Variants in CEP76 observed in about 807,000 individuals in gnomAD.
CEP76 encodes centrosomal protein of 76 kDa.
CEP76 carries 55 observed loss-of-function variants against 83.3 expected under a neutral mutation model. That is an observed-to-expected ratio of 0.66 (90% CI 0.53 to 0.83). CEP76 has a LOEUF of 0.83. CEP76 is among the 40% of genes least tolerant of loss of function. The pLI is 0.00. For synonymous variants in CEP76, 270 were observed against 274.5 expected (o/e 0.98, Z 0.16); for missense variants, 694 against 799.5 (o/e 0.87, Z 1.59).
chr18:12,700,917 T>C, intron 2 of CEP76, 41 bp downstream of exon 2: 1 of 1,524,668 alleles, frequency 6.6e-7, no homozygotes, highest in Non-Finnish European at 9.0e-7. Flanking sequence ...CATTAGTATA[T>C]ACATATATAC....
chr18:12,693,012 T>C (rs2039824038), intron 6 of CEP76, among the ~76,000 whole-genome samples: 1 of 152,108 alleles, frequency 6.6e-6, no homozygotes, highest in South Asian at 2.1e-4. Context: ...TTTGTAGAGA[T>C]GAAGTCTACC....
intron 10 of CEP76, among the ~76,000 whole-genome samples, chr18:12,677,528 C>T (rs1426436580): frequency 6.7e-6 from 1 of 149,220 alleles, no homozygotes; most frequent in East Asian, 1.9e-4. Context: ...AAATTAAAGC[C>T]AGACGTCTAC....
intron 12 of CEP76, among the ~76,000 whole-genome samples, chr18:12,666,051 T>C (rs1217454172): frequency 6.6e-6 from 1 of 150,900 alleles, no homozygotes; most frequent in Non-Finnish European, 1.5e-5. Context: ...GCACAGTGGC[T>C]CATACTTGTG....
At chr18:12,699,736 A>G (rs2040086245) in intron 3 of CEP76, 94 bp downstream of exon 3, 3 of 689,214 alleles carry the variant, frequency 4.4e-6, no homozygotes, top group African/African-American at 1.9e-5. Flanking sequence ...TTTTGGGGGG[A>G]AAAAATGGAA....
At chr18:12,680,362 G>A (rs555539776) in intron 9 of CEP76, among the ~76,000 whole-genome samples, 3 of 151,898 alleles carry the variant, frequency 2.0e-5, no homozygotes, top group South Asian at 2.1e-4. Flanking sequence ...TTGGGAGGCT[G>A]AGGTAGGTGG....
intron 8 of CEP76, among the ~76,000 whole-genome samples, chr18:12,683,960 CTGT>C (rs1406057741): frequency 6.6e-6 from 1 of 150,552 alleles, no homozygotes; most frequent in Admixed American, 6.7e-5. Context: ...TGTTGTAATG[CTGT>C]TGTTTGTACA....
chr18:12,671,194 G>T (rs2847271), downstream of CEP76: 120,917 of 151,568 alleles, frequency 0.8, 48,682 homozygotes, highest in Non-Finnish European at 0.83. Context: ...TCCTCTGGCC[G>T]CAGCCTCCAA....
At chr18:12,665,678 A>G (rs971026090) in intron 12 of CEP76, among the ~76,000 whole-genome samples, 2 of 152,232 alleles carry the variant, frequency 1.3e-5, no homozygotes, top group African/African-American at 4.8e-5. Context: ...AGAATGTTTT[A>G]AACAAACTTC....
chr18:12,673,948 C>G (rs749666602), intron 11 of CEP76, among the ~76,000 whole-genome samples: 6 of 152,096 alleles, frequency 3.9e-5, no homozygotes, highest in Non-Finnish European at 7.4e-5. Flanking sequence ...TAATTTTGGT[C>G]AAGCTATTCA....
chr18:12,700,311 A>C (rs9961224), intron 2 of CEP76: 2,691 of 153,988 alleles, frequency 0.017, 90 homozygotes, highest in African/African-American at 0.061. Context: ...ACGGGTTCAT[A>C]AACTTCAAAA....
At chr18:12,687,115 A>G (rs910479429) in intron 7 of CEP76, among the ~76,000 whole-genome samples, 1 of 152,190 alleles carries the variant, frequency 6.6e-6, no homozygotes, top group African/African-American at 2.4e-5. Flanking sequence ...ACCAAAGTCC[A>G]CAATCTCTTT....
At chr18:12,696,502 AAATAATAAT>A (rs35130356) in intron 5 of CEP76, among the ~76,000 whole-genome samples, 6 of 151,242 alleles carry the variant, frequency 4.0e-5, no homozygotes, top group Non-Finnish European at 7.4e-5. Context: ...ACTCCATCTC[AAATAATAAT>A]AATAATAATA....
chr18:12,690,597 A>C (rs1328251905), intron 7 of CEP76, among the ~76,000 whole-genome samples: 1 of 151,990 alleles, frequency 6.6e-6, no homozygotes, highest in Non-Finnish European at 1.5e-5. Context: ...CTGCGACTAT[A>C]GGAGCCCGCC....
At chr18:12,699,729 T>TG (rs1406653365) in intron 3 of CEP76, 101 bp downstream of exon 3, 7 of 662,356 alleles carry the variant, frequency 1.1e-5, no homozygotes, top group South Asian at 2.8e-5. Flanking sequence ...TATTTTATTT[T>TG]GGGGGGAAAA....
chr18:12,701,062 C>G lies in CEP76; in HGVS notation c.115G>C (p.Glu39Gln). ...AAATGCTGTTGATCAGGTGCCAATT[C>G]TTCCCGTATAGTCTCAGCAAGGATT... ...REILAETIRE[E>Q]LAPDQQHLST... The change falls in exon 2 of 12, where the codon GAA becomes CAA. Residue 39 changes from glutamate (E) to glutamine (Q), a missense_variant. Transcript: ENST00000262127. 6.2e-7 allele frequency: 1 copy of G among 1,613,734 alleles called. No individual in the cohort carries two copies. The highest frequency in any genetic ancestry group is 8.5e-7 in the Non-Finnish European group (1 of 1,179,718).
intron 12 of CEP76, chr18:12,664,940 C>T (rs949579356): frequency 2.0e-5 from 3 of 152,112 alleles, no homozygotes; most frequent in African/African-American, 4.8e-5. Context: ...CTCAAGTGAT[C>T]CACCCACCTC....
At chr18:12,697,138 A>G (rs2039984864) in intron 5 of CEP76, 85 bp downstream of exon 5, 1 of 1,019,398 alleles carries the variant, frequency 9.8e-7, no homozygotes, top group African/African-American at 1.6e-5. Context: ...CTCTTGGATT[A>G]TAAAAGCATT....
At chr18:12,698,189 AATTT>A (rs1315646420) in intron 4 of CEP76, among the ~76,000 whole-genome samples, 2 of 151,582 alleles carry the variant, frequency 1.3e-5, no homozygotes, top group East Asian at 1.9e-4. Flanking sequence ...TATTTATAAA[AATTT>A]ATTAGAAGTT....
intron 10 of CEP76, among the ~76,000 whole-genome samples, chr18:12,676,788 T>C (rs1449866947): frequency 1.3e-5 from 2 of 152,134 alleles, no homozygotes; most frequent in African/African-American, 4.8e-5. Flanking sequence ...CTTTGATAAG[T>C]TGACAAGTGA....
Sources: allele counts gnomAD v4.1 joint callset (sites outside exome capture counted in the v4.1 genomes callset), GRCh38; gene constraint gnomAD v4.1.1; transcripts MANE v1.5; gene names NCBI Gene and HGNC (gene_info 2026-07-23, HGNC 2026-07-21).